The following NIT1 variants were observed in gnomAD, a reference collection of about 807,000 sequenced individuals.
NIT1 encodes the protein deaminated glutathione amidase.
NIT1 carries 30 observed loss-of-function variants against 36.8 expected under a neutral mutation model. That is an observed-to-expected ratio of 0.82 (90% CI 0.61 to 1.11). The LOEUF (loss-of-function observed/expected upper bound fraction) is 1.11, where lower values mean the gene tolerates loss of function less well. NIT1 is among the 50% of genes least tolerant of loss of function. NIT1 has a pLI of 0.00. For synonymous variants in NIT1, 151 were observed against 155.6 expected (o/e 0.97, Z 0.22); for missense variants, 438 against 410.6 (o/e 1.07, Z -0.58).
At chr1:161,120,330 G>C in intron 6 of NIT1, 98 bp downstream of exon 6, 1 of 1,507,352 alleles carries the variant, frequency 6.6e-7, no homozygotes, top group Middle Eastern at 2.2e-4. Flanking sequence ...CCACCTAATG[G>C]GAAAACTCAT....
chr1:161,120,263 C>T (rs958119570), intron 6 of NIT1, 31 bp downstream of exon 6: 1 of 1,611,654 alleles, frequency 6.2e-7, no homozygotes, highest in Admixed American at 1.7e-5. Flanking sequence ...AACATAAGGG[C>T]CTTTTCTTAA....
In NIT1 at chr1:161,120,870, A is replaced by T. The variant is rs2101729017; in HGVS notation, c.*105A>T. 6.7e-7 allele frequency: 1 copy of T among 1,481,524 alleles called. No individual in the cohort carries two copies. The highest frequency in any genetic ancestry group is 1.4e-5 in the African/African-American group (1 of 70,018). 91.8% of individuals were successfully genotyped at this position (1,481,524 alleles called of 1,614,324 possible). A position where few individuals can be genotyped will look rare whatever the true frequency, so the allele number is the denominator to read the frequency against. On this transcript the variant is annotated 3_prime_UTR_variant, in exon 7 of 7. Transcript: ENST00000368009. ...GCAGGATCCAGGCACAGCTCCCCTC[A>T]CTTGGAGAACCTTGACTCTCTTGAT...
chr1:161,121,309 A>C (rs1655465518), downstream of NIT1: 1 of 398,836 alleles, frequency 2.5e-6, no homozygotes, highest in African/African-American at 2.2e-5. Context: ...CCAAGCCAGA[A>C]GAAAGCAAAG....
downstream of NIT1, chr1:161,123,998 C>A: frequency 6.3e-7 from 1 of 1,598,738 alleles, no homozygotes. Flanking sequence ...TCCCTTCTGT[C>A]AGTCCAAACC....
chr1:161,124,660 T>A, downstream of NIT1: 1 of 1,216,984 alleles, frequency 8.2e-7, no homozygotes, highest in Non-Finnish European at 1.1e-6. Context: ...TTTTGAAGTG[T>A]TTGTTTAAAA....
At chr1:161,122,574 T>A, downstream of NIT1, 1 of 1,568,800 alleles carries the variant, frequency 6.4e-7, no homozygotes, top group Non-Finnish European at 8.6e-7. This position sits in a 1 kb window ranked among gnomAD's most constrained non-coding sequence, Gnocchi z 4.2. Context: ...AAGGGATGAG[T>A]TTACAAGCCA....
At chr1:161,122,057 G>A (rs1329486586), downstream of NIT1, 6 of 1,428,242 alleles carry the variant, frequency 4.2e-6, no homozygotes, top group South Asian at 1.4e-5. The surrounding 1 kb of genome is among the most constrained non-coding windows in gnomAD (Gnocchi z 4.2). Flanking sequence ...GGGTGTGATT[G>A]GTTGGAAGGG....
intron 3 of NIT1, 44 bp downstream of exon 3, chr1:161,119,432 AGT>A (rs1557970647): frequency 6.2e-7 from 1 of 1,613,382 alleles, no homozygotes; most frequent in Non-Finnish European, 8.5e-7. Flanking sequence ...TTTGTTGGAC[AGT>A]GTCCCTGGGT....
At position 161,120,949 on chromosome 1, in the gene NIT1, G is replaced by A. The variant is rs1169282765; in HGVS notation, c.*184G>A. On this transcript the variant is annotated 3_prime_UTR_variant, in exon 7 of 7. Transcript: ENST00000368009. ...AACTTTCACCTGAGCTTCACCTGAGGTCAGACTGCAGTTTCAGAAAGGTGG... is the reference window on the plus strand; with the variant it reads ...AACTTTCACCTGAGCTTCACCTGAGATCAGACTGCAGTTTCAGAAAGGTGG... 27 of 1,423,730 alleles carry A rather than the reference G, an allele frequency of 1.9e-5. No individual in the cohort carries two copies. The highest frequency in any genetic ancestry group is 2.0e-5 in the Non-Finnish European group (22 of 1,093,078). The allele number at this position is 1,423,730 out of a possible 1,614,324, so 88.2% of individuals were successfully genotyped here.
Position 161,119,360 on chromosome 1 carries a change from CT to C in NIT1, c.329del (p.Leu110TrpfsTer40), listed in dbSNP as rs749411208. Reference protein sequence around the residue: ...LHLSEPLGGKLLEEYTQLARE... With the variant: ...LHLSEPLGGKXLEEYTQLARE... ...CCTGTCTGAACCACTGGGTGGGAAA[CT>C]TTTGGAAGAATACACCCAGCTTGCC... On this transcript the variant is annotated frameshift_variant, in exon 3 of 7. Transcript: ENST00000368009. LOFTEE classifies it high-confidence loss of function. 1.2e-6 allele frequency: 2 copies of C among 1,613,988 alleles called. No homozygotes were observed. The highest frequency in any genetic ancestry group is 1.7e-6 in the Non-Finnish European group (2 of 1,179,966).
Position 161,119,404 on chromosome 1 carries a change from C to T in NIT1, c.353+16C>T, listed in dbSNP as rs769906170. 6 of 1,613,160 alleles carry T rather than the reference C, an allele frequency of 3.7e-6. No homozygotes were observed. Among genetic ancestry groups the T allele is most frequent in the East Asian group, 2.2e-5 (1 of 44,868 alleles). On this transcript the variant is annotated intron_variant, in intron 3 of 6. Coordinates refer to ENST00000368009, the MANE Select transcript of NIT1 (RefSeq NM_005600.3). ...AGCTTGCCAGGTATCAGGGAAATAG[C>T]GAGGGAGAGGTAGAATCTTTGTTGG...
Position 161,120,896 on chromosome 1 carries a change from G to A in NIT1, c.*131G>A. Reference sequence around the variant, plus strand: ...CTTGGAGAACCTTGACTCTCTTGATGGAACACAGATGGGCTGCTTGGGAAA... The same window carrying A: ...CTTGGAGAACCTTGACTCTCTTGATAGAACACAGATGGGCTGCTTGGGAAA... On this transcript the variant is annotated 3_prime_UTR_variant, in exon 7 of 7. Transcript: ENST00000368009. 6.9e-7 allele frequency: 1 copy of A among 1,449,154 alleles called. No individual in the cohort carries two copies. The highest frequency in any genetic ancestry group is 1.5e-5 in the South Asian group (1 of 68,816). The allele number at this position is 1,449,154 out of a possible 1,614,324, so 89.8% of individuals were successfully genotyped here.
intron 5 of NIT1, 50 bp downstream of exon 5, chr1:161,120,002 G>C (rs1399285657): frequency 6.2e-7 from 1 of 1,604,452 alleles, no homozygotes; most frequent in South Asian, 1.1e-5. Flanking sequence ...CTTTGAACTG[G>C]CAGTAGAGGA....
chr1:161,118,352 C>T, intron 1 of NIT1, 174 bp downstream of exon 1: 2 of 1,519,738 alleles, frequency 1.3e-6, no homozygotes, highest in Non-Finnish European at 8.8e-7. Context: ...TTGCCCCTTG[C>T]CCACCAGGGA....
At chr1:161,120,401 AAT>A (rs1655326331) in intron 6 of NIT1, 96 bp from the exon 7 acceptor site, 2 of 1,469,364 alleles carry the variant, frequency 1.4e-6, no homozygotes. Flanking sequence ...CAATTACCAA[AAT>A]AGTCACAATG....
At chr1:161,125,039 T>C (rs1244039425), downstream of NIT1, 1 of 153,716 alleles carries the variant, frequency 6.5e-6, no homozygotes, top group Non-Finnish European at 1.4e-5. Flanking sequence ...AAGGCTGCAG[T>C]GAGCCATAAT....
At chr1:161,118,394 C>A in intron 1 of NIT1, 1 of 1,530,016 alleles carries the variant, frequency 6.5e-7, no homozygotes, top group South Asian at 1.2e-5. Flanking sequence ...TGAACTTTCC[C>A]CTGCGAGATT....
chr1:161,120,864 C>T lies in NIT1; in HGVS notation c.*99C>T, dbSNP rs1316370444. The T allele has an allele frequency of 6.7e-7, 1 of 1,498,784 alleles. No individual in the cohort carries two copies. Among genetic ancestry groups the T allele is most frequent in the East Asian group, 2.3e-5 (1 of 42,924 alleles). 92.8% of individuals were successfully genotyped at this position (1,498,784 alleles called of 1,614,324 possible). ...TTGGAGGCAGGATCCAGGCACAGCT[C>T]CCCTCACTTGGAGAACCTTGACTCT... On this transcript the variant is annotated 3_prime_UTR_variant, in exon 7 of 7. Transcript: ENST00000368009.
rs1032373493 is a variant in NIT1 at position 161,119,483 on chromosome 1, G to A, written c.354-26G>A. 3.7e-6 allele frequency: 6 copies of A among 1,613,458 alleles called. No individual in the cohort carries two copies. The African/African-American group carries it at 6.7e-5, about 18-fold the overall frequency. On this transcript the variant is annotated intron_variant, in intron 3 of 6. Coordinates refer to ENST00000368009, the MANE Select transcript of NIT1 (RefSeq NM_005600.3). ...GGTAGAGCCTTGAGAAGTCAGTGAAGAGTTGTCAGTGTCCCTTCCCCCCAG... is the reference window on the plus strand; with the variant it reads ...GGTAGAGCCTTGAGAAGTCAGTGAAAAGTTGTCAGTGTCCCTTCCCCCCAG...
Sources: allele counts gnomAD v4.1 joint callset, GRCh38; gene constraint gnomAD v4.1.1; non-coding constraint Gnocchi (gnomAD v3.1); transcripts MANE v1.5; gene names NCBI Gene and HGNC (gene_info 2026-07-23, HGNC 2026-07-21).